Variants in FARP2 observed in about 807,000 individuals in gnomAD.
FARP2 encodes the protein FERM, ARHGEF and pleckstrin domain-containing protein 2.
Under a neutral mutation model 130.5 loss-of-function variants are expected in FARP2, and 111 were observed. That is an observed-to-expected ratio of 0.85 (90% CI 0.73 to 1.00). FARP2 has a LOEUF of 1.00. FARP2 is among the 50% of genes least tolerant of loss of function. The pLI is 0.00. For missense variants in FARP2, 1,385 were observed against 1,346.3 expected (o/e 1.03, Z -0.45); for synonymous variants, 504 against 516.9 (o/e 0.98, Z 0.34).
chr2:241,434,654 T>A (rs2063174389), intron 10 of FARP2, among the ~76,000 whole-genome samples: 1 of 152,112 alleles, frequency 6.6e-6, no homozygotes, highest in African/African-American at 2.4e-5. Context: ...GAATTCGATA[T>A]CAGCCTGGCC....
At chr2:241,468,692 C>T (rs1408222177) in intron 18 of FARP2, among the ~76,000 whole-genome samples, 2 of 152,236 alleles carry the variant, frequency 1.3e-5, no homozygotes, top group Non-Finnish European at 2.9e-5. Flanking sequence ...ACAGGGCATG[C>T]TCCTGCTGGG....
chr2:241,406,635 A>G (rs753772609), intron 4 of FARP2, among the ~76,000 whole-genome samples: 121 of 145,456 alleles, frequency 8.3e-4, no homozygotes, highest in Non-Finnish European at 9.0e-4. Context: ...TTTGGGGGGG[A>G]GAGGGGCGGG....
At chr2:241,399,553 A>G (rs1248535350) in intron 2 of FARP2, among the ~76,000 whole-genome samples, 1 of 152,112 alleles carries the variant, frequency 6.6e-6, no homozygotes, top group African/African-American at 2.4e-5. Context: ...CACATGATCC[A>G]TCTGCCTCGG....
Position 241,490,027 on chromosome 2 carries a change from A to G in FARP2, c.2487A>G (p.Thr829=). ...TCACCATCTACGCGGCTCAGAAAAC[A>G]ATCGTGGTGGCAGCCAGGTAAGGGT... The part of the protein sequence containing the change: ...HCFTIYAAQK[T]IVVAASTRLE... Residue 829 remains threonine, a synonymous_variant, in exon 22 of 27, where the codon ACA becomes ACG. Coordinates refer to ENST00000264042, the MANE Select transcript of FARP2 (RefSeq NM_014808.4). 6.2e-7 allele frequency: 1 copy of G among 1,613,764 alleles called. No homozygotes were observed. The highest frequency in any genetic ancestry group is 8.5e-7 in the Non-Finnish European group (1 of 1,179,628).
intron 12 of FARP2, among the ~76,000 whole-genome samples, chr2:241,439,202 GA>G (rs2063322875): frequency 6.6e-6 from 1 of 151,204 alleles, no homozygotes; most frequent in Non-Finnish European, 1.5e-5. Flanking sequence ...TTTTTTTGTA[GA>G]GACAGAGTCT....
chr2:241,457,666 A>G (rs1194149193), intron 14 of FARP2, among the ~76,000 whole-genome samples: 40 of 83,382 alleles, frequency 4.8e-4, no homozygotes, highest in African/African-American at 1.4e-3. Context: ...TGGGCGGGAG[A>G]CCCAGTGTAG....
rs775254074 is a variant in FARP2, at chr2:241,493,412, C to A, written c.3015C>A (p.Phe1005Leu). The A allele has an allele frequency of 5.0e-5, 80 of 1,613,852 alleles. No homozygotes were observed. Among genetic ancestry groups the A allele is most frequent in the Non-Finnish European group, 5.9e-5 (70 of 1,180,032 alleles). The change falls in exon 26 of 27, where the codon TTC becomes TTA. Residue 1005 changes from phenylalanine to leucine, a missense_variant. Coordinates refer to ENST00000264042, the MANE Select transcript of FARP2 (RefSeq NM_014808.4). ...FKLQFKSHVY[F>L]FRAESKYTFE... ...TCCAGTTCAAATCCCACGTCTACTT[C>A]TTCCGGGCTGAGAGCAAGTACACAT...
intron 2 of FARP2, among the ~76,000 whole-genome samples, chr2:241,384,101 C>T (rs908790664): frequency 6.6e-6 from 1 of 150,792 alleles, no homozygotes; most frequent in African/African-American, 2.4e-5. Context: ...TCACCATGAC[C>T]TAGTGGAAGC....
At position 241,491,674 on chromosome 2, in the gene FARP2, G is replaced by A; in HGVS notation, c.2782G>A (p.Val928Ile). 1 of 1,598,884 alleles carries A rather than the reference G, an allele frequency of 6.3e-7. No homozygotes were observed. ...GTCCAGGGCAGACCACAGTGCAGCT[G>A]TCGAGGTACGACCGCATGAGCACCA... The part of the protein sequence containing the change: ...SVSRADHSAA[V>I]ENQLSGYLLR... The change falls in exon 24 of 27, where the codon GTC (valine) becomes ATC (isoleucine). Residue 928 changes from valine (V) to isoleucine (I), a missense_variant. Val to Ile is a conservative substitution (Grantham distance 29, BLOSUM62 3). Transcript: ENST00000264042.
chr2:241,403,812 ATC>A lies in FARP2; in HGVS notation c.184-8_184-7del. The A allele has an allele frequency of 5.1e-6, 8 of 1,557,984 alleles. No homozygotes were observed. Among genetic ancestry groups the A allele is most frequent in the Admixed American group, 1.7e-5 (1 of 58,782 alleles). On this transcript the variant is annotated splice_polypyrimidine_tract_variant and intron_variant, in intron 2 of 26. Transcript: ENST00000264042. ...TCTTTCAATCCTTGTTATTTTTCCC[ATC>A]TCTCTCTGCACAGCCTAAATGCGAT...
At chr2:241,435,830 C>G (rs1163240030) in intron 11 of FARP2, among the ~76,000 whole-genome samples, 7 of 147,760 alleles carry the variant, frequency 4.7e-5, no homozygotes, top group Admixed American at 3.4e-4. Flanking sequence ...TTTATATAGA[C>G]ATTGTATACA....
At chr2:241,455,789 G>C (rs376698303) in intron 13 of FARP2, among the ~76,000 whole-genome samples, 1 of 140,134 alleles carries the variant, frequency 7.1e-6, no homozygotes, top group African/African-American at 2.7e-5. Flanking sequence ...ATCCAGGCTG[G>C]AGTGCAGTGG....
intron 13 of FARP2, among the ~76,000 whole-genome samples, chr2:241,455,588 G>C (rs1180203509): frequency 1.3e-5 from 2 of 151,536 alleles, no homozygotes; most frequent in Non-Finnish European, 2.9e-5. Flanking sequence ...CACCATGTTG[G>C]CCAGGCTGGT....
At chr2:241,361,879 TATTA>T (rs1172293871) in intron 1 of FARP2, among the ~76,000 whole-genome samples, 2 of 151,420 alleles carry the variant, frequency 1.3e-5, no homozygotes, top group Non-Finnish European at 2.9e-5. Context: ...TTATTATTAT[TATTA>T]TTTTTATTTT....
Position 241,434,252 on chromosome 2 carries a change from G to C in FARP2, c.962G>C (p.Arg321Thr), listed in dbSNP as rs368343781. ...KICVEYHTFF[R>T]LLDQPKPKAK... The stretch of plus-strand genomic sequence containing the variant: ...TGTGTGGAGTATCACACCTTTTTTA[G>C]ACTTTTGGACCAACCTAAGCCAAAA... The change falls in exon 10 of 27, where the codon AGA becomes ACA. Residue 321 changes from arginine (R) to threonine (T), a missense_variant. Physicochemically the swap from Arg to Thr is moderately conservative, Grantham distance 71. Transcript: ENST00000264042. The C allele has an allele frequency of 1.6e-5, 26 of 1,613,934 alleles. No individual in the cohort carries two copies. Among genetic ancestry groups the C allele is most frequent in the Non-Finnish European group, 2.2e-5 (26 of 1,179,944 alleles).
intron 17 of FARP2, chr2:241,466,016 T>C: frequency 1.5e-6 from 2 of 1,335,316 alleles, no homozygotes; most frequent in South Asian, 1.7e-5. Flanking sequence ...TATACACAAA[T>C]CTGTTTGATC....
At chr2:241,450,615 G>A (rs1200817680) in intron 13 of FARP2, among the ~76,000 whole-genome samples, 1 of 151,592 alleles carries the variant, frequency 6.6e-6, no homozygotes, top group Non-Finnish European at 1.5e-5. Context: ...GCAGTGAGCT[G>A]AGATTGAGCC....
rs537224994 is a variant in FARP2 at position 241,434,014 on chromosome 2, C to T, written c.868-144C>T. 6 of 631,894 alleles carry T rather than the reference C, an allele frequency of 9.5e-6. No individual in the cohort carries two copies. The South Asian group carries it at 1.3e-4, about 14-fold the overall frequency. The allele number at this position is 631,894 out of a possible 1,614,324, so 39.1% of individuals were successfully genotyped here. Reference sequence around the variant, plus strand: ...TCACGCCATTGCACTCCAGCCTGGGCACAGAGCAAGATCCTGTCTCAAAAA... The same window carrying T: ...TCACGCCATTGCACTCCAGCCTGGGTACAGAGCAAGATCCTGTCTCAAAAA... On this transcript the variant is annotated intron_variant, in intron 9 of 26. Coordinates refer to ENST00000264042, the MANE Select transcript of FARP2 (RefSeq NM_014808.4).
intron 7 of FARP2, among the ~76,000 whole-genome samples, chr2:241,417,480 G>A (rs535493453): frequency 3.9e-5 from 6 of 151,970 alleles, no homozygotes; most frequent in South Asian, 4.2e-4. Flanking sequence ...CCGCCACCAC[G>A]CCTGGCTAAT....
Sources: allele counts gnomAD v4.1 joint callset (sites outside exome capture counted in the v4.1 genomes callset), GRCh38; gene constraint gnomAD v4.1.1; transcripts MANE v1.5; gene names NCBI Gene and HGNC (gene_info 2026-07-23, HGNC 2026-07-21).